The following INTS15 variants were observed in gnomAD, a reference collection of about 807,000 sequenced individuals.
INTS15 encodes uncharacterized protein C7orf26.
the INTS15 span, among the ~76,000 whole-genome samples, chr7:6,606,171 T>A: frequency 1.3e-5 from 2 of 152,210 alleles, no homozygotes. Flanking sequence ...CGTTAATCTC[T>A]TGCTAAGTTA....
the INTS15 span, among the ~76,000 whole-genome samples, chr7:6,598,295 C>T: frequency 2.0e-5 from 3 of 152,070 alleles, no homozygotes; most frequent in Non-Finnish European, 2.9e-5. Context: ...CATGGCGAAA[C>T]CCCATCTCTA....
the INTS15 span, among the ~76,000 whole-genome samples, chr7:6,595,485 A>C: frequency 6.6e-6 from 1 of 152,054 alleles, no homozygotes; most frequent in African/African-American, 2.4e-5. Flanking sequence ...TTTTTAATTT[A>C]GGTTAAAAGC....
At chr7:6,594,630 A>G in the INTS15 span, 3 of 1,605,688 alleles carry the variant, frequency 1.9e-6, no homozygotes, top group South Asian at 2.2e-5. Context: ...TTTCTATGGA[A>G]GAAGCTTCAG....
At chr7:6,595,525 G>A in the INTS15 span, among the ~76,000 whole-genome samples, 5 of 152,122 alleles carry the variant, frequency 3.3e-5, no homozygotes, top group Non-Finnish European at 7.3e-5. Context: ...GACGTGTGCA[G>A]TTTGCTAAGA....
the INTS15 span, among the ~76,000 whole-genome samples, chr7:6,599,049 A>T: frequency 4.6e-5 from 7 of 152,032 alleles, no homozygotes; most frequent in Non-Finnish European, 7.4e-5. Context: ...TGGCCTCCCA[A>T]AGTGCTGGGA....
At chr7:6,592,729 C>T in the INTS15 span, among the ~76,000 whole-genome samples, 3 of 151,570 alleles carry the variant, frequency 2.0e-5, no homozygotes, top group Non-Finnish European at 2.9e-5. Context: ...CTACCTCAGC[C>T]CTCCAAGTAG....
the INTS15 span, chr7:6,608,130 G>A: frequency 1.3e-6 from 2 of 1,538,366 alleles, no homozygotes; most frequent in African/African-American, 1.4e-5. Context: ...TTCATCTCCG[G>A]CGTGACCTTT....
chr7:6,590,299 C>G, the INTS15 span: 4 of 1,574,120 alleles, frequency 2.5e-6, no homozygotes, highest in Non-Finnish European at 3.4e-6. Flanking sequence ...CGACATCCGC[C>G]ACTCGCTGCT....
At chr7:6,600,219 C>T in the INTS15 span, 18 of 1,614,066 alleles carry the variant, frequency 1.1e-5, no homozygotes, top group Middle Eastern at 1.6e-4. Context: ...CACATGGTCC[C>T]GCTGGTAGAG....
the INTS15 span, chr7:6,600,126 G>A: frequency 6.2e-7 from 1 of 1,614,190 alleles, no homozygotes; most frequent in Non-Finnish European, 8.5e-7. Flanking sequence ...CTCCACCTCA[G>A]CGTCCTGCAA....
At chr7:6,600,849 T>A in the INTS15 span, among the ~76,000 whole-genome samples, 2 of 152,064 alleles carry the variant, frequency 1.3e-5, no homozygotes, top group Admixed American at 1.3e-4. Flanking sequence ...GTAGAGACAG[T>A]TGCACTATGT....
the INTS15 span, chr7:6,591,919 C>A: frequency 6.4e-7 from 1 of 1,553,644 alleles, no homozygotes; most frequent in Non-Finnish European, 8.9e-7. Flanking sequence ...TGCCTGTAAT[C>A]CCAGCACTTT....
At chr7:6,605,370 C>T in the INTS15 span, among the ~76,000 whole-genome samples, 2 of 152,156 alleles carry the variant, frequency 1.3e-5, no homozygotes, top group Non-Finnish European at 2.9e-5. Context: ...CACCTTTCCC[C>T]TCCTGCAGGA....
chr7:6,608,168 C>A, the INTS15 span: 1 of 1,554,390 alleles, frequency 6.4e-7, no homozygotes, highest in African/African-American at 1.4e-5. Flanking sequence ...CTAGGCTGGC[C>A]CGTGTGTGCC....
At chr7:6,603,642 C>T in the INTS15 span, among the ~76,000 whole-genome samples, 1 of 151,864 alleles carries the variant, frequency 6.6e-6, no homozygotes, top group African/African-American at 2.4e-5. Context: ...AGTTTGAGTC[C>T]AACTTGGCCA....
At chr7:6,594,060 G>A in the INTS15 span, among the ~76,000 whole-genome samples, 1 of 146,510 alleles carries the variant, frequency 6.8e-6, no homozygotes. Flanking sequence ...CCACGCTGGA[G>A]TGCAGTGGTG....
chr7:6,593,533 A>G, the INTS15 span, among the ~76,000 whole-genome samples: 2 of 151,086 alleles, frequency 1.3e-5, no homozygotes. Context: ...ACGGGGTTTC[A>G]CTGTGTTAGC....
At chr7:6,597,307 T>G in the INTS15 span, among the ~76,000 whole-genome samples, 1 of 152,052 alleles carries the variant, frequency 6.6e-6, no homozygotes, top group East Asian at 1.9e-4. Flanking sequence ...TGGTTTTTTT[T>G]TTTTTGAGAT....
chr7:6,605,297 C>CT, the INTS15 span, among the ~76,000 whole-genome samples: 2 of 151,996 alleles, frequency 1.3e-5, no homozygotes, highest in Non-Finnish European at 2.9e-5. Flanking sequence ...CCTCTTTTTC[C>CT]TTTTTTTGGT....
Sources: allele counts gnomAD v4.1 joint callset (sites outside exome capture counted in the v4.1 genomes callset), GRCh38; gene constraint gnomAD v4.1.1; transcripts MANE v1.5; gene names NCBI Gene and HGNC (gene_info 2026-07-23, HGNC 2026-07-21).